Variants in OPRM1 observed in about 807,000 individuals in gnomAD.
The protein encoded by OPRM1 is opioid receptor mu 1.
A neutral mutation model predicts 31.8 loss-of-function variants in OPRM1; 27 were observed. The observed-to-expected ratio is 0.85, with a 90% CI of 0.63 to 1.17. The LOEUF is 1.17. Ranked by LOEUF, OPRM1 falls within the 50% of genes most tolerant of loss-of-function variation. OPRM1 has a pLI of 0.00. For missense variants in OPRM1, 536 were observed against 511.1 expected, an observed-to-expected ratio of 1.05 and a Z score of -0.47; for synonymous variants, 196 against 189.9, an observed-to-expected ratio of 1.03 and a Z score of -0.26.
intron 1 of OPRM1, among the ~76,000 whole-genome samples, chr6:154,026,156 G>T: frequency 6.6e-6 from 1 of 151,952 alleles, no homozygotes. Context: ...GCTTTTGTTT[G>T]TCTGGGAAAG....
intron 1 of OPRM1, among the ~76,000 whole-genome samples, chr6:154,028,963 CT>C (rs1363589851): frequency 6.6e-6 from 1 of 152,142 alleles, no homozygotes; most frequent in Non-Finnish European, 1.5e-5. Flanking sequence ...TTATGAGGTA[CT>C]TTTTTGTGTA....
chr6:154,019,032 C>G (rs1387507370), intron 1 of OPRM1, among the ~76,000 whole-genome samples: 1 of 151,918 alleles, frequency 6.6e-6, no homozygotes, highest in African/African-American at 2.4e-5. Flanking sequence ...TTTTGATACA[C>G]GCATGCAATG....
chr6:154,155,764 G>T (rs1315527706), intron 3 of OPRM1: 1 of 152,052 alleles, frequency 6.6e-6, no homozygotes, highest in African/African-American at 2.4e-5. Context: ...CTGGGCAACA[G>T]AGCAAGACTC....
At chr6:154,195,660 C>G (rs1043787565) in intron 3 of OPRM1, among the ~76,000 whole-genome samples, 1 of 152,166 alleles carries the variant, frequency 6.6e-6, no homozygotes, top group African/African-American at 2.4e-5. Context: ...TTAAACCTCT[C>G]TCTGGAGTGC....
intron 1 of OPRM1, among the ~76,000 whole-genome samples, chr6:154,021,083 T>C (rs368322988): frequency 6.6e-6 from 1 of 152,342 alleles, no homozygotes; most frequent in African/African-American, 2.4e-5. Context: ...CTAGGAGTTT[T>C]ATAGTTTAGC....
intron 3 of OPRM1, among the ~76,000 whole-genome samples, chr6:154,231,789 G>C (rs77036836): frequency 0.025 from 3,770 of 152,294 alleles, 78 homozygotes; most frequent in Non-Finnish European, 0.038. Context: ...GTTGTAACTT[G>C]TTACAGGTTT....
At chr6:154,150,012 C>T (rs1798457452) in intron 3 of OPRM1, among the ~76,000 whole-genome samples, 1 of 152,206 alleles carries the variant, frequency 6.6e-6, no homozygotes, top group Non-Finnish European at 1.5e-5. Context: ...AAATAATGTC[C>T]CACCAAGGCA....
At chr6:154,136,396 ATGTG>A (rs1798060517), downstream of OPRM1, among the ~76,000 whole-genome samples, 1 of 152,240 alleles carries the variant, frequency 6.6e-6, no homozygotes, top group Non-Finnish European at 1.5e-5. Flanking sequence ...TCCTATGAGA[ATGTG>A]TGTATGATAT....
intron 3 of OPRM1, among the ~76,000 whole-genome samples, chr6:154,153,102 A>G (rs752756391): frequency 6.6e-6 from 1 of 152,130 alleles, no homozygotes; most frequent in Non-Finnish European, 1.5e-5. Context: ...TATCTTTCCT[A>G]TGGTGAACAT....
chr6:154,080,143 G>A (rs1028911442), intron 1 of OPRM1, among the ~76,000 whole-genome samples: 1 of 151,884 alleles, frequency 6.6e-6, no homozygotes, highest in African/African-American at 2.4e-5. Context: ...TCACATTTGG[G>A]GACATTTCTA....
At chr6:154,087,708 C>T (rs769372454) in intron 1 of OPRM1, 2 of 475,542 alleles carry the variant, frequency 4.2e-6, no homozygotes, top group Admixed American at 6.4e-5. Flanking sequence ...GTCTTCACGC[C>T]CTGGACTGGT....
intron 3 of OPRM1, among the ~76,000 whole-genome samples, chr6:154,104,025 C>T (rs947030186): frequency 7.2e-5 from 11 of 152,176 alleles, no homozygotes; most frequent in African/African-American, 2.4e-4. Flanking sequence ...GTTCACATGC[C>T]TCTGACATGT....
chr6:154,166,940 G>A (rs1227329530), intron 3 of OPRM1, among the ~76,000 whole-genome samples: 1 of 151,986 alleles, frequency 6.6e-6, no homozygotes. Flanking sequence ...TATTATCTTT[G>A]TATAATTAAA....
chr6:154,206,271 C>T (rs1294537006), intron 3 of OPRM1, among the ~76,000 whole-genome samples: 1 of 152,172 alleles, frequency 6.6e-6, no homozygotes, highest in Non-Finnish European at 1.5e-5. Flanking sequence ...AAAACTCATA[C>T]AAGATTTCTG....
chr6:154,020,893 T>A (rs558500119), intron 1 of OPRM1, among the ~76,000 whole-genome samples: 154 of 152,352 alleles, frequency 1.0e-3, no homozygotes, highest in African/African-American at 3.5e-3. Flanking sequence ...TTGCAAATGT[T>A]TTCTCCCAGT....
chr6:154,039,290 C>G lies in OPRM1; in HGVS notation c.-255C>G. 6.4e-7 allele frequency: 1 copy of G among 1,551,268 alleles called. No individual in the cohort carries two copies. Reference sequence around the variant, plus strand: ...CCGCATGGCCCACGCTCCCCTCCTGCAGCGGTGCGGGGCAGGTGATGAGCC... The same window carrying G: ...CCGCATGGCCCACGCTCCCCTCCTGGAGCGGTGCGGGGCAGGTGATGAGCC... On this transcript the variant is annotated 5_prime_UTR_variant, in exon 1 of 4. Coordinates refer to ENST00000330432, the MANE Select transcript of OPRM1 (RefSeq NM_000914.5).
At chr6:154,245,701 C>T (rs1780976538) in intron 3 of OPRM1, among the ~76,000 whole-genome samples, 1 of 152,120 alleles carries the variant, frequency 6.6e-6, no homozygotes, top group Non-Finnish European at 1.5e-5. Flanking sequence ...TGACTAAAGG[C>T]CCTCCAGTGC....
intron 3 of OPRM1, among the ~76,000 whole-genome samples, chr6:154,227,857 C>T (rs1779382151): frequency 6.6e-6 from 1 of 152,036 alleles, no homozygotes; most frequent in African/African-American, 2.4e-5. Context: ...TGGGTGAAAA[C>T]ACCTTAGTGT....
At chr6:154,050,103 T>C (rs1411604092) in intron 1 of OPRM1, among the ~76,000 whole-genome samples, 2 of 152,214 alleles carry the variant, frequency 1.3e-5, no homozygotes, top group Non-Finnish European at 2.9e-5. Flanking sequence ...AAGTATTTGG[T>C]AGAATTCAGC....
Sources: gnomAD v4.1 joint callset for allele counts (sites outside exome capture counted in the v4.1 genomes callset) on GRCh38, gnomAD v4.1.1 for gene constraint, MANE v1.5 for transcripts, NCBI Gene and HGNC (gene_info 2026-07-23, HGNC 2026-07-21) for gene names.